TBXAS1: variants seen among roughly 807,000 people sequenced by gnomAD.
The protein encoded by TBXAS1 is thromboxane-A synthase.
TBXAS1 carries 48 observed loss-of-function variants against 60.7 expected under a neutral mutation model. That is an observed-to-expected ratio of 0.79 (90% confidence interval 0.63 to 1.01). The LOEUF (loss-of-function observed/expected upper bound fraction) is 1.01, where lower values mean the gene tolerates loss of function less well. TBXAS1 is among the 50% of genes least tolerant of loss of function. The pLI is 0.00. For synonymous variants in TBXAS1, 287 were observed against 269.7 expected, an observed-to-expected ratio of 1.06 and a Z score of -0.63; for missense variants, 685 against 686.3, an observed-to-expected ratio of 1.00 and a Z score of 0.02.
chr7:139,968,904 C>G (rs926451762), intron 9 of TBXAS1, among the ~76,000 whole-genome samples: 1 of 152,244 alleles, frequency 6.6e-6, no homozygotes, highest in African/African-American at 2.4e-5. Context: ...TTTAATGAGA[C>G]CTTTGTTATA....
At chr7:139,959,212 C>G (rs1399752239) in intron 8 of TBXAS1, among the ~76,000 whole-genome samples, 2 of 152,180 alleles carry the variant, frequency 1.3e-5, no homozygotes, top group East Asian at 3.8e-4. Context: ...TGAGAAAAAT[C>G]TCCCAACCAC....
At chr7:139,900,849 G>A (rs1163792293) in intron 3 of TBXAS1, among the ~76,000 whole-genome samples, 2 of 152,188 alleles carry the variant, frequency 1.3e-5, no homozygotes, top group Non-Finnish European at 2.9e-5. Context: ...CAGCATCCAT[G>A]TAGAAATCCC....
At chr7:140,015,332 G>C (rs945284134) in intron 10 of TBXAS1, among the ~76,000 whole-genome samples, 1 of 152,126 alleles carries the variant, frequency 6.6e-6, no homozygotes, top group Non-Finnish European at 1.5e-5. Flanking sequence ...TGGGAAGATA[G>C]GATAGGCTGT....
intron 1 of TBXAS1, among the ~76,000 whole-genome samples, chr7:139,836,078 AT>A (rs1799041443): frequency 2.0e-5 from 3 of 149,486 alleles, no homozygotes; most frequent in Non-Finnish European, 4.4e-5. Flanking sequence ...AAATAAATAA[AT>A]AAATAAAATA....
In TBXAS1 at chr7:139,861,190, A is replaced by C. The variant is rs1800936057; in HGVS notation, c.90-11045A>C. On this transcript the variant is annotated intron_variant, in intron 1 of 12. Transcript: ENST00000448866. ...ACTCTGTCTCAAAAAAAAAAAAAAA[A>C]ATTCTTCACTTCTGACAGGATTCTG... 2.0e-5 allele frequency among the ~76,000 whole-genome samples: 3 copies of C among 151,786 alleles called. No homozygotes were observed. The South Asian group carries it at 6.2e-4, about 32-fold the overall frequency.
At chr7:139,992,483 C>T (rs1487775295) in intron 9 of TBXAS1, among the ~76,000 whole-genome samples, 2 of 152,206 alleles carry the variant, frequency 1.3e-5, no homozygotes, top group Admixed American at 1.3e-4. Flanking sequence ...CTCTGGGGGC[C>T]GTTTTTACTT....
Position 139,911,225 on chromosome 7 carries a change from G to T in TBXAS1, c.237G>T (p.Gly79=). 6.2e-7 allele frequency: 1 copy of T among 1,613,970 alleles called. No homozygotes were observed. The highest frequency in any genetic ancestry group is 8.5e-7 in the Non-Finnish European group (1 of 1,179,874). ...ELRKLYGPLC[G]YYLGRRMFIV... ...TTAATGCATTTTTTATTCCTCCCAG[G>T]TACTATCTTGGTCGTCGGATGTTTA... The change falls in exon 4 of 13, where the codon GGG becomes GGT. Residue 79 remains glycine (G), a splice_region_variant and synonymous_variant. Coordinates refer to ENST00000448866, the MANE Select transcript of TBXAS1 (RefSeq NM_001061.7).
intron 4 of TBXAS1, among the ~76,000 whole-genome samples, chr7:139,809,716 G>C (rs1397146442): frequency 6.6e-6 from 1 of 152,118 alleles, no homozygotes; most frequent in Non-Finnish European, 1.5e-5. Flanking sequence ...GGAGAAAAAG[G>C]GTGTCCCAGC....
intron 4 of TBXAS1, among the ~76,000 whole-genome samples, chr7:139,788,590 C>T (rs1209908990): frequency 6.6e-6 from 1 of 152,234 alleles, no homozygotes; most frequent in Non-Finnish European, 1.5e-5. Flanking sequence ...ACCCATCAAA[C>T]TGCCCACCAG....
intron 5 of TBXAS1, among the ~76,000 whole-genome samples, chr7:139,944,456 G>A (rs1018464737): frequency 2.6e-5 from 4 of 152,198 alleles, no homozygotes; most frequent in African/African-American, 4.8e-5. Flanking sequence ...ACTAGAGCTC[G>A]AGGAGCTATT....
At position 139,950,787 on chromosome 7, in the gene TBXAS1, CTCCATCTACGGGACCCCCTCGCCT is replaced by C. The variant is rs1584932771; in HGVS notation, c.451-2557_451-2534del. ...CCTCCATCTACGGGACCCCCTCGCC[CTCCATCTACGGGACCCCCTCGCCT>C]TCCATCTACGGGACCCCCTCGCCCT... is the stretch of plus-strand genomic sequence containing the variant. On this transcript the variant is annotated intron_variant, in intron 5 of 12. Coordinates refer to ENST00000448866, the MANE Select transcript of TBXAS1 (RefSeq NM_001061.7). Among the ~76,000 whole-genome samples, 7 of 73,340 alleles carry C rather than the reference CTCCATCTACGGGACCCCCTCGCCT, an allele frequency of 9.5e-5. 2 individuals are homozygous for C. The highest frequency in any genetic ancestry group is 3.8e-4 in the East Asian group (1 of 2,604). The allele number at this position is 73,340 out of a possible 152,430, so 48.1% of individuals were successfully genotyped here. A position where few individuals can be genotyped will look rare whatever the true frequency, so the allele number is the denominator to read the frequency against.
chr7:139,860,770 A>G (rs965074714), intron 1 of TBXAS1, among the ~76,000 whole-genome samples: 16 of 152,200 alleles, frequency 1.1e-4, no homozygotes, highest in African/African-American at 3.9e-4. Flanking sequence ...TCTGGCCTCC[A>G]GAGCTGTCAG....
At chr7:139,892,513 A>G (rs1401897158) in intron 3 of TBXAS1, among the ~76,000 whole-genome samples, 2 of 152,168 alleles carry the variant, frequency 1.3e-5, no homozygotes, top group Admixed American at 1.3e-4. Flanking sequence ...GAATAGCTTG[A>G]ACCTGGGAGG....
At chr7:139,984,097 G>A (rs147864256) in intron 9 of TBXAS1, among the ~76,000 whole-genome samples, 55 of 152,286 alleles carry the variant, frequency 3.6e-4, no homozygotes, top group African/African-American at 1.2e-3. Context: ...CCACCTCCCT[G>A]GCTTAAAGCT....
chr7:140,008,745 A>G (rs1187355097), intron 10 of TBXAS1, among the ~76,000 whole-genome samples: 1 of 152,136 alleles, frequency 6.6e-6, no homozygotes, highest in East Asian at 1.9e-4. Context: ...CACCAATCCC[A>G]GCCTTATTTT....
chr7:139,797,815 T>C (rs1199306703), intron 4 of TBXAS1, among the ~76,000 whole-genome samples: 2 of 152,232 alleles, frequency 1.3e-5, no homozygotes, highest in Non-Finnish European at 2.9e-5. Flanking sequence ...AAAGCCACAC[T>C]GCCCTCAGAG....
chr7:139,829,233 C>G (rs548303628), upstream of TBXAS1: 86 of 716,630 alleles, frequency 1.2e-4, 2 homozygotes, highest in South Asian at 1.2e-3. Context: ...TATAGGGAGA[C>G]ACTCTGAGAA....
At chr7:139,837,101 A>G (rs536409913) in intron 1 of TBXAS1, among the ~76,000 whole-genome samples, 33 of 152,364 alleles carry the variant, frequency 2.2e-4, no homozygotes, top group Non-Finnish European at 4.1e-4. Flanking sequence ...TCAAAACCAC[A>G]ATGCAATACC....
chr7:140,011,406 A>C (rs1385578413), intron 10 of TBXAS1, among the ~76,000 whole-genome samples: 2 of 151,902 alleles, frequency 1.3e-5, no homozygotes, highest in African/African-American at 4.8e-5. Context: ...GAAAGATAGA[A>C]ATTTAAGTAT....
Sources: allele counts gnomAD v4.1 joint callset (sites outside exome capture counted in the v4.1 genomes callset), GRCh38; gene constraint gnomAD v4.1.1; transcripts MANE v1.5; gene names NCBI Gene and HGNC (gene_info 2026-07-23, HGNC 2026-07-21).